AP3B1: variants seen among roughly 807,000 people sequenced by gnomAD.
AP3B1 encodes the protein adaptor related protein complex 3 subunit beta 1.
In AP3B1, 61 loss-of-function variants were observed where a neutral mutation model predicts 132.5. The observed-to-expected ratio is 0.46, with a 90% confidence interval of 0.37 to 0.57. The LOEUF (loss-of-function observed/expected upper bound fraction) is 0.57. Ranked by LOEUF, AP3B1 falls within the 20% of genes least tolerant of loss-of-function variation. The pLI, the probability that AP3B1 is intolerant of heterozygous loss-of-function variation, is 0.00. For synonymous variants in AP3B1, 388 were observed against 438.3 expected (o/e 0.89, Z 1.43); for missense variants, 1,120 against 1,289.4 (o/e 0.87, Z 2.01).
chr5:78,100,921 A>C (rs781266062), intron 21 of AP3B1, 32 bp downstream of exon 21: 11 of 1,308,314 alleles, frequency 8.4e-6, no homozygotes, highest in Non-Finnish European at 1.1e-6. Context: ...CTTACTAAAC[A>C]CAGAAGAAAT....
In AP3B1 at chr5:78,025,274, T is replaced by C. The variant is rs117629996; in HGVS notation, c.2895-4485A>G. ...ACACCACATACTCCTCGATTAAAAGTGGCTTGACAGCAATGATGCCAAGGG... is the reference window on the plus strand; with the variant it reads ...ACACCACATACTCCTCGATTAAAAGCGGCTTGACAGCAATGATGCCAAGGG... On this transcript the variant is annotated intron_variant, in intron 24 of 26. Coordinates refer to ENST00000255194, the MANE Select transcript of AP3B1 (RefSeq NM_003664.5). Among the ~76,000 whole-genome samples the C allele has an allele frequency of 1.8e-4, 28 of 152,270 alleles. 2 individuals are homozygous for C. The East Asian group carries it at 5.4e-3, about 29-fold the overall frequency.
intron 15 of AP3B1, among the ~76,000 whole-genome samples, chr5:78,138,969 C>CAAAAAAAAAAAA (rs34427836): frequency 2.5e-5 from 1 of 39,470 alleles, no homozygotes; most frequent in Non-Finnish European, 4.6e-5. Flanking sequence ...AACTCTGTCT[C>CAAAAAAAAAAAA]AAAAAAAAAA....
intron 3 of AP3B1, among the ~76,000 whole-genome samples, chr5:78,237,571 G>A (rs1746931393): frequency 6.6e-6 from 1 of 152,096 alleles, no homozygotes; most frequent in Non-Finnish European, 1.5e-5. Context: ...ACTTTGGGAG[G>A]CCAAGGTGGG....
intron 22 of AP3B1, among the ~76,000 whole-genome samples, chr5:78,067,833 T>G (rs1749356103): frequency 6.6e-6 from 1 of 151,752 alleles, no homozygotes; most frequent in Non-Finnish European, 1.5e-5. Context: ...ATTGACATCC[T>G]AACATCATAA....
intron 2 of AP3B1, among the ~76,000 whole-genome samples, chr5:78,255,667 C>CT (rs1747818300): frequency 6.6e-6 from 1 of 152,112 alleles, no homozygotes; most frequent in African/African-American, 2.4e-5. Flanking sequence ...CAACATTCCA[C>CT]TTTCAGCATC....
intron 22 of AP3B1, among the ~76,000 whole-genome samples, chr5:78,064,002 TAAG>T (rs999465824): frequency 6.6e-5 from 10 of 150,734 alleles, no homozygotes; most frequent in Admixed American, 2.0e-4. Context: ...GGTATAAACA[TAAG>T]AAGTACTTGC....
At chr5:78,011,041 CTTTTTTT>C (rs11301750) in intron 26 of AP3B1, among the ~76,000 whole-genome samples, 1 of 129,374 alleles carries the variant, frequency 7.7e-6, no homozygotes, top group East Asian at 2.3e-4. Flanking sequence ...CTGTATCTCT[CTTTTTTT>C]TTTTTTTTTT....
At chr5:78,110,743 T>C (rs1232751338) in intron 19 of AP3B1, among the ~76,000 whole-genome samples, 2 of 151,148 alleles carry the variant, frequency 1.3e-5, no homozygotes, top group Non-Finnish European at 1.5e-5. Flanking sequence ...TGTATATATA[T>C]ACGTATATAC....
intron 14 of AP3B1, among the ~76,000 whole-genome samples, chr5:78,155,993 T>G (rs1389059420): frequency 6.6e-6 from 1 of 152,182 alleles, no homozygotes; most frequent in African/African-American, 2.4e-5. Flanking sequence ...AACATGCATA[T>G]ATACTCACCC....
At position 78,007,992 on chromosome 5, in the gene AP3B1, T is replaced by C. The variant is rs569975130; in HGVS notation, c.3132-4937A>G. On this transcript the variant is annotated intron_variant, in intron 26 of 26. Coordinates refer to ENST00000255194, the MANE Select transcript of AP3B1 (RefSeq NM_003664.5). ...AATAAAAAATAAACAACCACCATAA[T>C]TTAGGACTCTCTAGTTCCTACTCTA... 9.8e-5 allele frequency among the ~76,000 whole-genome samples: 15 copies of C among 152,290 alleles called. No homozygotes were observed. In the South Asian group the frequency reaches 3.1e-3, roughly 32 times the overall value.
intron 2 of AP3B1, among the ~76,000 whole-genome samples, chr5:78,254,072 G>T (rs1489977885): frequency 1.3e-5 from 2 of 151,700 alleles, no homozygotes; most frequent in Non-Finnish European, 2.9e-5. Context: ...ACTGAAGAAT[G>T]CATCAGAGTC....
chr5:78,077,016 G>A (rs868526169), intron 22 of AP3B1, among the ~76,000 whole-genome samples: 7 of 152,136 alleles, frequency 4.6e-5, no homozygotes, highest in East Asian at 1.9e-4. Context: ...TGGGAAATCC[G>A]TAAAGTTACA....
intron 1 of AP3B1, among the ~76,000 whole-genome samples, chr5:78,289,569 C>G (rs910742104): frequency 1.3e-5 from 2 of 152,192 alleles, no homozygotes; most frequent in African/African-American, 4.8e-5. Flanking sequence ...CTAAAGTCAC[C>G]TTTCAGTTGT....
chr5:78,282,285 A>G (rs1396151698), intron 1 of AP3B1, among the ~76,000 whole-genome samples: 1 of 152,114 alleles, frequency 6.6e-6, no homozygotes, highest in Non-Finnish European at 1.5e-5. Context: ...CAAAACATAC[A>G]TAAGCCTGCC....
chr5:78,114,521 C>T (rs185978404), intron 18 of AP3B1, among the ~76,000 whole-genome samples: 3 of 152,236 alleles, frequency 2.0e-5, no homozygotes, highest in African/African-American at 7.2e-5. Flanking sequence ...AGGAATTATA[C>T]TTTTAAATGT....
intron 24 of AP3B1, among the ~76,000 whole-genome samples, chr5:78,028,081 G>C (rs1050225118): frequency 6.6e-6 from 1 of 151,884 alleles, no homozygotes; most frequent in South Asian, 2.1e-4. Flanking sequence ...AGCCAAGATC[G>C]CACCACTGCA....
chr5:78,169,093 G>A (rs1274828775), intron 11 of AP3B1, among the ~76,000 whole-genome samples: 1 of 151,946 alleles, frequency 6.6e-6, no homozygotes, highest in East Asian at 1.9e-4. Flanking sequence ...TTGCGTGTAT[G>A]GGCACATTTC....
At chr5:78,185,117 A>G (rs1299650923) in intron 7 of AP3B1, among the ~76,000 whole-genome samples, 1 of 152,214 alleles carries the variant, frequency 6.6e-6, no homozygotes, top group Non-Finnish European at 1.5e-5. Context: ...TAGCAAAAAT[A>G]TATTTCAGGA....
At chr5:78,162,588 C>T (rs760325238) in intron 13 of AP3B1, among the ~76,000 whole-genome samples, 2 of 151,430 alleles carry the variant, frequency 1.3e-5, no homozygotes, top group South Asian at 2.1e-4. Context: ...AGATCTGTTG[C>T]GGTAAAACAA....
Sources: gnomAD v4.1 joint callset for allele counts (sites outside exome capture counted in the v4.1 genomes callset) on GRCh38, gnomAD v4.1.1 for gene constraint, MANE v1.5 for transcripts, NCBI Gene and HGNC (gene_info 2026-07-23, HGNC 2026-07-21) for gene names.